Variants in PFKFB1 observed in about 807,000 individuals in gnomAD.
PFKFB1 encodes the protein 6-phosphofructo-2-kinase/fructose-2,6-bisphosphatase 1.
Under a neutral mutation model 46.4 loss-of-function variants are expected in PFKFB1, and 34 were observed. That is an observed-to-expected ratio of 0.73 (90% CI 0.56 to 0.98). The LOEUF (loss-of-function observed/expected upper bound fraction) is 0.98. PFKFB1 is among the 50% of genes least tolerant of loss of function. The pLI is 0.00. For missense variants in PFKFB1, 393 were observed against 376.3 expected (o/e 1.04, Z -0.37); for synonymous variants, 119 against 133.8 (o/e 0.89, Z 0.76).
rs1373255410 is a variant in PFKFB1, at chrX:54,952,044, A to G, written c.707T>C (p.Ile236Thr). 2 of 1,209,645 alleles carry G rather than the reference A, an allele frequency of 1.7e-6. No homozygotes were observed. Among genetic ancestry groups the G allele is most frequent in the East Asian group, 3.0e-5 (1 of 33,761 alleles). The change falls in exon 8 of 14, where the codon ATC becomes ACC. Residue 236 changes from isoleucine to threonine, a missense_variant. Coordinates refer to ENST00000375006, the MANE Select transcript of PFKFB1 (RefSeq NM_002625.4). The stretch of plus-strand genomic sequence containing the variant: ...GAGGTAGTAGACTGTGCGGCTCTGG[A>G]TGTGATCCTGCACTCGGTTCACCAT... ...RYMVNRVQDH[I>T]QSRTVYYLMN...
chrX:54,981,018 C>T (rs903880982), intron 1 of PFKFB1, among the ~76,000 whole-genome samples: 1 of 110,530 alleles, frequency 9.0e-6, no homozygotes, highest in African/African-American at 3.3e-5. Context: ...GAGGGTTAAA[C>T]AGCAAATTAA....
chrX:54,973,300 T>C (rs1343734333), intron 1 of PFKFB1, among the ~76,000 whole-genome samples: 1 of 111,628 alleles, frequency 9.0e-6, no homozygotes, highest in Non-Finnish European at 1.9e-5. Flanking sequence ...AGCTCCTGGA[T>C]TCATTAATTT....
intron 1 of PFKFB1, among the ~76,000 whole-genome samples, chrX:54,991,320 C>CA (rs1935231967): frequency 9.1e-6 from 1 of 110,496 alleles, no homozygotes; most frequent in African/African-American, 3.3e-5. Flanking sequence ...AAAAATAAGC[C>CA]AAAAAAATCT....
chrX:54,973,799 G>GA (rs1394941946), intron 1 of PFKFB1, among the ~76,000 whole-genome samples: 1 of 110,758 alleles, frequency 9.0e-6, no homozygotes, highest in African/African-American at 3.3e-5. Flanking sequence ...TGTGGTGCTG[G>GA]AAAAAATGTA....
At position 54,949,076 on chromosome X, in the gene PFKFB1, G is replaced by A. The variant is rs147029348; in HGVS notation, c.992C>T (p.Ala331Val). The change falls in exon 9 of 14, where the codon GCG becomes GTG. Residue 331 changes from alanine (A) to valine (V), a missense_variant and splice_region_variant. By Grantham distance (64) the Ala-to-Val change is moderately conservative (BLOSUM62 0). Coordinates refer to ENST00000375006, the MANE Select transcript of PFKFB1 (RefSeq NM_002625.4). Reference protein sequence around the residue: ...EQWKALNEIDAGVCEEMTYEE... With the variant: ...EQWKALNEIDVGVCEEMTYEE... ...GGAGATTCACCCCATGCATCTCACC[G>A]CATCAATCTCATTCAGGGCCTTCCA... The A allele has an allele frequency of 1.1e-5, 13 of 1,208,256 alleles. No homozygotes were observed. The highest frequency in any genetic ancestry group is 5.9e-5 in the East Asian group (2 of 33,718).
intron 1 of PFKFB1, among the ~76,000 whole-genome samples, chrX:54,989,402 G>C (rs1935183881): frequency 9.0e-6 from 1 of 111,360 alleles, no homozygotes; most frequent in African/African-American, 3.3e-5. Context: ...TTCCTTACAT[G>C]GTGATAAAAT....
chrX:54,942,085 C>G (rs1446137303), intron 10 of PFKFB1, among the ~76,000 whole-genome samples: 2 of 111,872 alleles, frequency 1.8e-5, no homozygotes, highest in South Asian at 3.7e-4. Flanking sequence ...GAGTTCATGT[C>G]CTTTGTAGTG....
chrX:54,960,404 G>A (rs1187412714), intron 3 of PFKFB1, among the ~76,000 whole-genome samples: 1 of 112,667 alleles, frequency 8.9e-6, no homozygotes, highest in Non-Finnish European at 1.9e-5. Flanking sequence ...GAGTCTTGTA[G>A]TGCAGAGAGA....
intron 10 of PFKFB1, 28 bp from the exon 11 acceptor site, chrX:54,937,752 G>A (rs916390376): frequency 1.7e-6 from 2 of 1,187,644 alleles, no homozygotes; most frequent in Non-Finnish European, 2.3e-6. Flanking sequence ...ACTTGAGTGA[G>A]AAAGGAAGAT....
chrX:54,979,603 G>C (rs180815883), intron 1 of PFKFB1, among the ~76,000 whole-genome samples: 2 of 111,662 alleles, frequency 1.8e-5, no homozygotes, highest in Non-Finnish European at 3.8e-5. Flanking sequence ...GATCTAAAGA[G>C]ATAAAAAAGC....
Position 54,963,365 on chromosome X carries a change from T to C in PFKFB1, c.115A>G (p.Thr39Ala). 8.3e-7 allele frequency: 1 copy of C among 1,210,090 alleles called. No individual in the cohort carries two copies. The highest frequency in any genetic ancestry group is 1.1e-6 in the Non-Finnish European group (1 of 894,142). Residue 39 changes from threonine to alanine, a missense_variant, in exon 2 of 14, where the codon ACC becomes GCC. Transcript: ENST00000375006. Reference protein sequence around the residue: ...RRRGSSIPQFTNSPTMVIMVG... With the variant: ...RRRGSSIPQFANSPTMVIMVG... The stretch of plus-strand genomic sequence containing the variant: ...ATGATCACCATTGTGGGGGAATTGG[T>C]AAACTGGGGTATGGATGCTGAAAAA...
At chrX:54,959,375 A>G (rs1255627887) in intron 4 of PFKFB1, among the ~76,000 whole-genome samples, 3 of 112,111 alleles carry the variant, frequency 2.7e-5, no homozygotes, top group Middle Eastern at 8.4e-3. Flanking sequence ...GACCATTTGC[A>G]TATTTGAGAA....
chrX:54,990,363 A>C (rs760397113), intron 1 of PFKFB1, among the ~76,000 whole-genome samples: 1 of 111,696 alleles, frequency 9.0e-6, no homozygotes, highest in South Asian at 3.7e-4. Context: ...ATACAAAGAT[A>C]AGAACTTTAC....
At chrX:54,937,866 T>A in intron 10 of PFKFB1, 142 bp from the exon 11 acceptor site, 1 of 472,858 alleles carries the variant, frequency 2.1e-6, no homozygotes, top group South Asian at 3.8e-5. Context: ...CTTAGGCAAC[T>A]CACTTCCTTC....
At chrX:54,941,163 C>T (rs989326220) in intron 10 of PFKFB1, among the ~76,000 whole-genome samples, 12 of 111,889 alleles carry the variant, frequency 1.1e-4, no homozygotes, top group Non-Finnish European at 1.9e-4. Flanking sequence ...ATTTAATAAA[C>T]GGTGCTGGGA....
intron 11 of PFKFB1, among the ~76,000 whole-genome samples, chrX:54,936,476 T>C (rs760909015): frequency 9.0e-6 from 1 of 111,360 alleles, no homozygotes; most frequent in Non-Finnish European, 1.9e-5. Flanking sequence ...AGACGGGAAG[T>C]CCTCTGGCAT....
intron 10 of PFKFB1, 99 bp from the exon 11 acceptor site, chrX:54,937,823 G>C (rs750439017): frequency 5.0e-6 from 4 of 795,948 alleles, no homozygotes; most frequent in Non-Finnish European, 7.2e-6. Flanking sequence ...TTTGGTTCCA[G>C]TGCCAGTTCA....
Position 54,975,346 on chromosome X carries a change from T to C in PFKFB1, c.98-11964A>G, listed in dbSNP as rs1450657368. ...GCCTTTGCAGCAACTTGGATGGAGATGGTGGCCATTTTTTTAAGTGAAGTC... is the reference window on the plus strand; with the variant it reads ...GCCTTTGCAGCAACTTGGATGGAGACGGTGGCCATTTTTTTAAGTGAAGTC... On this transcript the variant is annotated intron_variant, in intron 1 of 13. Transcript: ENST00000375006. 2.7e-5 allele frequency among the ~76,000 whole-genome samples: 3 copies of C among 111,029 alleles called. No individual in the cohort carries two copies. The Admixed American group carries it at 2.9e-4, about 11-fold the overall frequency.
upstream of PFKFB1, chrX:54,994,673 C>T (rs2048907236): frequency 1.1e-5 from 8 of 752,666 alleles, no homozygotes; most frequent in Non-Finnish European, 1.3e-5. Flanking sequence ...TCTCTGCTTC[C>T]CCGACCCAAA....
Sources: gnomAD v4.1 joint callset for allele counts (sites outside exome capture counted in the v4.1 genomes callset) on GRCh38, gnomAD v4.1.1 for gene constraint, MANE v1.5 for transcripts, NCBI Gene and HGNC (gene_info 2026-07-23, HGNC 2026-07-21) for gene names.